Variants in TTC28 observed in about 807,000 individuals in gnomAD.
The protein encoded by TTC28 is tetratricopeptide repeat protein 28.
Under a neutral mutation model 198.0 loss-of-function variants are expected in TTC28, and 61 were observed. The observed-to-expected ratio is 0.31, with a 90% CI of 0.25 to 0.38. TTC28 has a LOEUF of 0.38. Among genes scored for constraint, TTC28 ranks in the 10% least tolerant of loss-of-function variants. The pLI, the probability that TTC28 is intolerant of heterozygous loss-of-function variation, is 1.00. For synonymous variants in TTC28, 1,171 were observed against 1,297.8 expected (o/e 0.90, Z 2.10); for missense variants, 2,678 against 3,164.0 (o/e 0.85, Z 3.69).
Position 28,107,839 on chromosome 22 carries a change from T to C in TTC28, c.2006A>G (p.Asp669Gly). The change falls in exon 7 of 23, where the codon GAC (aspartate) becomes GGC (glycine). Residue 669 changes from aspartate (D) to glycine (G), a missense_variant. Asp to Gly is a moderately conservative substitution (Grantham distance 94). Coordinates refer to ENST00000397906, the MANE Select transcript of TTC28 (RefSeq NM_001145418.2). Reference sequence around the variant, plus strand: ...GTAGGCTTTTGCTTGGCTCAACTTGTCGTGAAGGTCTTTAGCCAGTGCCAG... The same window carrying C: ...GTAGGCTTTTGCTTGGCTCAACTTGCCGTGAAGGTCTTTAGCCAGTGCCAG... ...QDLALAKDLHDKLSQAKAYCN... is the reference protein window; with the variant it reads ...QDLALAKDLHGKLSQAKAYCN... 2 of 1,551,898 alleles carry C rather than the reference T, an allele frequency of 1.3e-6. No homozygotes were observed. Among genetic ancestry groups the C allele is most frequent in the Non-Finnish European group, 1.7e-6 (2 of 1,147,038 alleles).
At chr22:28,408,250 T>A (rs2047029652) in intron 2 of TTC28, among the ~76,000 whole-genome samples, 1 of 152,244 alleles carries the variant, frequency 6.6e-6, no homozygotes, top group Non-Finnish European at 1.5e-5. Context: ...TGAGTTGTTT[T>A]AGTTCCTCGG....
intron 2 of TTC28, among the ~76,000 whole-genome samples, chr22:28,337,174 A>G (rs111853565): frequency 1.3e-5 from 2 of 152,082 alleles, no homozygotes; most frequent in Non-Finnish European, 2.9e-5. Flanking sequence ...TAATCCTGAG[A>G]TCTAGTTTGA....
At chr22:28,196,069 G>A (rs894753440) in intron 5 of TTC28, among the ~76,000 whole-genome samples, 66 of 151,344 alleles carry the variant, frequency 4.4e-4, no homozygotes, top group Non-Finnish European at 6.7e-4. Context: ...AAACAGCATG[G>A]TACTGGTACC....
chr22:28,371,712 GC>G (rs2046340351), intron 2 of TTC28, among the ~76,000 whole-genome samples: 1 of 140,932 alleles, frequency 7.1e-6, no homozygotes. Context: ...CTCCCGAATA[GC>G]TGGGATTACA....
chr22:28,480,445 C>T (rs866644496), intron 2 of TTC28, among the ~76,000 whole-genome samples: 12 of 152,256 alleles, frequency 7.9e-5, no homozygotes, highest in East Asian at 3.9e-4. Flanking sequence ...AGTAGGAATC[C>T]TGAAATGTTC....
chr22:28,526,529 C>T lies in TTC28; in HGVS notation c.381+103023G>A, dbSNP rs143240068. ...GCATGTATACAGCTATTTGAGAACA[C>T]ACCCAGTCCATACAGTGTAGGACAG... On this transcript the variant is annotated intron_variant, in intron 2 of 22. Transcript: ENST00000397906. 2.0e-3 allele frequency among the ~76,000 whole-genome samples: 302 copies of T among 152,280 alleles called. 3 individuals are homozygous for T. Among genetic ancestry groups the T allele is most frequent in the Non-Finnish European group, 3.6e-3 (243 of 68,036 alleles).
At chr22:28,189,850 A>G (rs1266039289) in intron 5 of TTC28, among the ~76,000 whole-genome samples, 8 of 152,206 alleles carry the variant, frequency 5.3e-5, no homozygotes, top group Non-Finnish European at 4.4e-5. Flanking sequence ...GCTAAGGCAA[A>G]AAGAGAATAT....
intron 12 of TTC28, among the ~76,000 whole-genome samples, chr22:28,031,906 C>T (rs1939095144): frequency 6.6e-6 from 1 of 151,536 alleles, no homozygotes; most frequent in African/African-American, 2.4e-5. Context: ...CTGGATAGAG[C>T]AAAAAAGTAG....
chr22:28,269,279 T>C (rs935392407), intron 5 of TTC28, among the ~76,000 whole-genome samples: 1 of 152,182 alleles, frequency 6.6e-6, no homozygotes, highest in East Asian at 1.9e-4. Context: ...TCAAATGCGA[T>C]GTCAAAGGGT....
intron 2 of TTC28, among the ~76,000 whole-genome samples, chr22:28,401,915 AC>A (rs1197552344): frequency 1.3e-5 from 2 of 152,158 alleles, no homozygotes; most frequent in Admixed American, 1.3e-4. Flanking sequence ...TTAATTCACA[AC>A]TGCTATGTTT....
chr22:28,611,148 T>G (rs2050811359), intron 2 of TTC28, among the ~76,000 whole-genome samples: 1 of 152,188 alleles, frequency 6.6e-6, no homozygotes, highest in African/African-American at 2.4e-5. Context: ...GAAAACACTC[T>G]TCAGGATATT....
intron 2 of TTC28, among the ~76,000 whole-genome samples, chr22:28,327,035 T>C (rs2045543796): frequency 7.0e-6 from 1 of 143,620 alleles, no homozygotes; most frequent in Non-Finnish European, 1.5e-5. Context: ...TATTGTGAAA[T>C]AAAAATAATA....
intron 5 of TTC28, among the ~76,000 whole-genome samples, chr22:28,243,616 G>A (rs931877230): frequency 2.6e-5 from 4 of 152,030 alleles, no homozygotes; most frequent in Admixed American, 6.6e-5. Flanking sequence ...GCCCAGCAGC[G>A]AAATTCTTAA....
chr22:28,100,731 G>T (rs1942118274), intron 9 of TTC28, among the ~76,000 whole-genome samples: 1 of 152,168 alleles, frequency 6.6e-6, no homozygotes, highest in Non-Finnish European at 1.5e-5. Flanking sequence ...TAACTCGAGG[G>T]ATCTTTCTAC....
At chr22:28,541,410 G>C (rs2145932428) in intron 2 of TTC28, among the ~76,000 whole-genome samples, 1 of 152,288 alleles carries the variant, frequency 6.6e-6, no homozygotes, top group African/African-American at 2.4e-5. Flanking sequence ...GTTCAAGGTG[G>C]CAGGGCAAAG....
chr22:28,132,860 C>T (rs1004958311), intron 6 of TTC28, among the ~76,000 whole-genome samples: 2 of 152,186 alleles, frequency 1.3e-5, no homozygotes, highest in African/African-American at 4.8e-5. Context: ...CTAAAAGTCA[C>T]AGTTTCCAAG....
At chr22:28,111,067 T>C (rs551656992) in intron 6 of TTC28, among the ~76,000 whole-genome samples, 29 of 152,222 alleles carry the variant, frequency 1.9e-4, no homozygotes, top group Non-Finnish European at 4.3e-4. Flanking sequence ...TACATGTTTA[T>C]ATTTAAACAT....
chr22:28,419,858 A>C (rs375989299), intron 2 of TTC28, among the ~76,000 whole-genome samples: 1 of 152,224 alleles, frequency 6.6e-6, no homozygotes, highest in African/African-American at 2.4e-5. Flanking sequence ...AGGCTCTAAA[A>C]TGAGACTAAG....
At chr22:28,099,970 C>G (rs1416266691) in intron 9 of TTC28, among the ~76,000 whole-genome samples, 1 of 152,236 alleles carries the variant, frequency 6.6e-6, no homozygotes, top group Non-Finnish European at 1.5e-5. Context: ...TTCTGAGGAC[C>G]AGACAATTGC....
Sources: gnomAD v4.1 joint callset for allele counts (sites outside exome capture counted in the v4.1 genomes callset) on GRCh38, gnomAD v4.1.1 for gene constraint, MANE v1.5 for transcripts, NCBI Gene and HGNC (gene_info 2026-07-23, HGNC 2026-07-21) for gene names.